Variants in TNFRSF8 observed in about 807,000 individuals in gnomAD.
The protein encoded by TNFRSF8 is tumor necrosis factor receptor superfamily member 8.
TNFRSF8 carries 26 observed loss-of-function variants against 70.8 expected under a neutral mutation model. The ratio of observed to expected loss-of-function variants is 0.37; its 90% CI spans 0.27 to 0.51. The LOEUF (loss-of-function observed/expected upper bound fraction) is 0.51, where lower values mean the gene tolerates loss of function less well. Among genes scored for constraint, TNFRSF8 ranks in the 20% least tolerant of loss-of-function variants. The probability of loss-of-function intolerance (pLI) is 0.94; values close to 1 mark genes in which losing one functional copy is unlikely to be tolerated. For synonymous variants in TNFRSF8, 356 were observed against 339.2 expected, an observed-to-expected ratio of 1.05 and a Z score of -0.54; for missense variants, 720 against 807.9, an observed-to-expected ratio of 0.89 and a Z score of 1.32.
chr1:12,131,105 G>A (rs1247355881), intron 12 of TNFRSF8, among the ~76,000 whole-genome samples: 1 of 152,142 alleles, frequency 6.6e-6, no homozygotes, highest in Non-Finnish European at 1.5e-5. Context: ...AACCTGCTGT[G>A]TGCTCAACAG....
At position 12,138,369 on chromosome 1, in the gene TNFRSF8, G is replaced by A. The variant is rs1271477190; in HGVS notation, c.1476G>A (p.Gly492=). 4 of 1,613,520 alleles carry A rather than the reference G, an allele frequency of 2.5e-6. No individual in the cohort carries two copies. The highest frequency in any genetic ancestry group is 2.7e-5 in the African/African-American group (2 of 74,904). Reference sequence around the variant, plus strand: ...CGCTGCAGGATGCCAGCCCGGCCGGGGGCCCCTCGTCCCCCAGGGACCTTC... The same window carrying A: ...CGCTGCAGGATGCCAGCCCGGCCGGAGGCCCCTCGTCCCCCAGGGACCTTC... ...SLPLQDASPA[G]GPSSPRDLPE... The change falls in exon 14 of 15, where the codon GGG becomes GGA. Residue 492 remains glycine (G), a synonymous_variant. Transcript: ENST00000263932. The surrounding 1 kb of genome is among the most constrained non-coding windows in gnomAD (Gnocchi z 5.7).
chr1:12,082,065 C>T (rs535982843), intron 1 of TNFRSF8, among the ~76,000 whole-genome samples: 2 of 152,240 alleles, frequency 1.3e-5, no homozygotes, highest in East Asian at 1.9e-4. Context: ...CCTTTTGCTC[C>T]ACCCTAGAAG....
At chr1:12,100,593 G>A (rs1641405174) in intron 3 of TNFRSF8, among the ~76,000 whole-genome samples, 1 of 150,020 alleles carries the variant, frequency 6.7e-6, no homozygotes, top group South Asian at 2.1e-4. Flanking sequence ...AAGCTGAGAC[G>A]CAAACACCTA....
At chr1:12,081,896 C>T (rs1569995541) in intron 1 of TNFRSF8, among the ~76,000 whole-genome samples, 1 of 152,284 alleles carries the variant, frequency 6.6e-6, no homozygotes, top group East Asian at 1.9e-4. Context: ...CTGCCAGGCA[C>T]CATCTTGGAT....
At chr1:12,115,778 C>G (rs1043391417) in intron 8 of TNFRSF8, 49 bp downstream of exon 8, 1 of 1,595,874 alleles carries the variant, frequency 6.3e-7, no homozygotes, top group Non-Finnish European at 8.6e-7. Flanking sequence ...AGTCTGTGCC[C>G]CCACTGTTGT....
chr1:12,111,846 G>A, intron 6 of TNFRSF8, 52 bp from the exon 7 acceptor site: 2 of 1,499,896 alleles, frequency 1.3e-6, no homozygotes, highest in Non-Finnish European at 1.9e-6. Flanking sequence ...GGTGGGGAGT[G>A]AGGCCTTTGC....
intron 1 of TNFRSF8, chr1:12,077,890 G>A (rs1325355953): frequency 6.6e-6 from 1 of 151,276 alleles, no homozygotes; most frequent in African/African-American, 2.4e-5. Flanking sequence ...TTTAAATATG[G>A]ACCGTTTCAT....
chr1:12,101,121 A>T (rs1390023913), intron 3 of TNFRSF8, among the ~76,000 whole-genome samples: 1 of 152,168 alleles, frequency 6.6e-6, no homozygotes, highest in Non-Finnish European at 1.5e-5. Flanking sequence ...AATAAGTAGG[A>T]GTACACTCTA....
chr1:12,086,385 T>C (rs1641152926), intron 2 of TNFRSF8, among the ~76,000 whole-genome samples: 1 of 152,206 alleles, frequency 6.6e-6, no homozygotes, highest in Non-Finnish European at 1.5e-5. Flanking sequence ...GGTTTAGTGT[T>C]GATTTTGAAT....
chr1:12,105,215 C>A (rs910231259), intron 4 of TNFRSF8, among the ~76,000 whole-genome samples: 2 of 152,070 alleles, frequency 1.3e-5, no homozygotes, highest in Non-Finnish European at 1.5e-5. Context: ...CAGAGGCAGC[C>A]CTGTGTCCAC....
rs762236662 is a variant in TNFRSF8 at position 12,138,241 on chromosome 1, G to A, written c.1348G>A (p.Gly450Ser). Residue 450 changes from glycine to serine, a missense_variant, in exon 14 of 15, where the codon GGT becomes AGT. Coordinates refer to ENST00000263932, the MANE Select transcript of TNFRSF8 (RefSeq NM_001243.5). The surrounding 1 kb of genome is among the most constrained non-coding windows in gnomAD (Gnocchi z 5.7). ...PRRSSTQLRS[G>S]ASVTEPVAEE... ...TCCCGTCCCACAGCAGCTGAGGAGTGGTGCGTCGGTGACAGAACCCGTCGC... is the reference window on the plus strand; with the variant it reads ...TCCCGTCCCACAGCAGCTGAGGAGTAGTGCGTCGGTGACAGAACCCGTCGC... 4.3e-6 allele frequency: 7 copies of A among 1,613,516 alleles called. No individual in the cohort carries two copies. Among genetic ancestry groups the A allele is most frequent in the Admixed American group, 1.7e-5 (1 of 60,012 alleles).
rs1361485915 is a variant in TNFRSF8 at position 12,069,026 on chromosome 1, C to A, written c.63+5365C>A. On this transcript the variant is annotated intron_variant, in intron 1 of 14. Transcript: ENST00000263932. The stretch of plus-strand genomic sequence containing the variant: ...AGCTGGGACTACAGGTGCATGCCAC[C>A]ATGCCTGGCTAATTTTTTGTATTTT... Among the ~76,000 whole-genome samples, 7 of 151,688 alleles carry A rather than the reference C, an allele frequency of 4.6e-5. No individual in the cohort carries two copies. The East Asian group carries it at 1.4e-3, about 29-fold the overall frequency.
chr1:12,134,475 C>T (rs1642108973), intron 12 of TNFRSF8, among the ~76,000 whole-genome samples: 1 of 152,052 alleles, frequency 6.6e-6, no homozygotes, highest in Non-Finnish European at 1.5e-5. Flanking sequence ...TGTGCTTGGG[C>T]GTGACCTGGC....
intron 2 of TNFRSF8, among the ~76,000 whole-genome samples, chr1:12,085,673 C>A (rs892772236): frequency 2.0e-5 from 3 of 152,218 alleles, no homozygotes; most frequent in Admixed American, 1.3e-4. Flanking sequence ...GTTCCCCCAC[C>A]CCCAGCACCG....
intron 1 of TNFRSF8, among the ~76,000 whole-genome samples, chr1:12,082,147 C>T (rs1641075176): frequency 6.6e-6 from 1 of 152,210 alleles, no homozygotes; most frequent in Non-Finnish European, 1.5e-5. Context: ...AGACAAAACT[C>T]CTTCCCTGGA....
At chr1:12,083,114 C>T (rs903570213) in intron 1 of TNFRSF8, among the ~76,000 whole-genome samples, 4 of 152,190 alleles carry the variant, frequency 2.6e-5, no homozygotes, top group Admixed American at 2.6e-4. Context: ...TGAGGTATCA[C>T]TACAGATCCA....
intron 12 of TNFRSF8, among the ~76,000 whole-genome samples, chr1:12,133,307 G>C (rs1196672874): frequency 1.4e-5 from 2 of 146,368 alleles, no homozygotes; most frequent in Non-Finnish European, 3.0e-5. Flanking sequence ...TATTTATTTT[G>C]TTTTGTTACT....
intron 8 of TNFRSF8, among the ~76,000 whole-genome samples, chr1:12,122,540 A>G (rs1257464753): frequency 1.3e-5 from 2 of 151,690 alleles, no homozygotes; most frequent in Non-Finnish European, 2.9e-5. Flanking sequence ...CCAGCTACTC[A>G]GGAGGCTGAG....
intron 13 of TNFRSF8, among the ~76,000 whole-genome samples, chr1:12,137,540 G>GTTTTTTTGTTTTTTTTTGTT (rs773062441): frequency 7.6e-6 from 1 of 131,238 alleles, no homozygotes; most frequent in African/African-American, 2.9e-5. Context: ...TGACATAGCT[G>GTTTTTTTGTTTTTTTTTGTT]TTTTTTTGTT....
Sources: allele counts gnomAD v4.1 joint callset (sites outside exome capture counted in the v4.1 genomes callset), GRCh38; gene constraint gnomAD v4.1.1; non-coding constraint Gnocchi (gnomAD v3.1); transcripts MANE v1.5; gene names NCBI Gene and HGNC (gene_info 2026-07-23, HGNC 2026-07-21).